The following ITGA6 variants were observed in gnomAD, a reference collection of about 807,000 sequenced individuals.
ITGA6 encodes the protein integrin alpha-6.
A neutral mutation model predicts 133.6 loss-of-function variants in ITGA6; 63 were observed. The observed-to-expected ratio is 0.47, with a 90% CI of 0.38 to 0.58. The LOEUF is 0.58. ITGA6 is among the 20% of genes least tolerant of loss of function. The pLI, the probability that ITGA6 is intolerant of heterozygous loss-of-function variation, is 0.00. For synonymous variants in ITGA6, 434 were observed against 482.0 expected (o/e 0.90, Z 1.30); for missense variants, 1,068 against 1,309.4 (o/e 0.82, Z 2.85).
intron 3 of ITGA6, among the ~76,000 whole-genome samples, chr2:172,467,955 G>GA (rs1032954918): frequency 1.5e-5 from 2 of 133,780 alleles, no homozygotes; most frequent in Admixed American, 7.4e-5. Flanking sequence ...TCAAAAAAAA[G>GA]AAAAAAAAAG....
intron 1 of ITGA6, among the ~76,000 whole-genome samples, chr2:172,445,058 C>T (rs2149007554): frequency 6.6e-6 from 1 of 152,072 alleles, no homozygotes; most frequent in East Asian, 2.0e-4. Context: ...CTCTGCCTCT[C>T]AGGTTCAAGT....
chr2:172,458,204 T>C (rs545854955), intron 1 of ITGA6, among the ~76,000 whole-genome samples: 40 of 152,062 alleles, frequency 2.6e-4, no homozygotes, highest in Admixed American at 2.4e-3. Flanking sequence ...GTACACGTTT[T>C]ACAGAGCTTA....
chr2:172,468,073 A>G (rs1051874600), intron 3 of ITGA6, among the ~76,000 whole-genome samples: 8 of 152,262 alleles, frequency 5.3e-5, no homozygotes, highest in African/African-American at 1.7e-4. Flanking sequence ...TAAATAACTT[A>G]TTAAAGAACC....
chr2:172,461,377 G>A (rs969435441), intron 1 of ITGA6, among the ~76,000 whole-genome samples: 4 of 152,184 alleles, frequency 2.6e-5, no homozygotes, highest in East Asian at 1.9e-4. Context: ...TCCACTGGCC[G>A]GTTTTGAAAT....
At chr2:172,479,284 T>C (rs1686319471) in intron 9 of ITGA6, among the ~76,000 whole-genome samples, 1 of 152,194 alleles carries the variant, frequency 6.6e-6, no homozygotes, top group African/African-American at 2.4e-5. Flanking sequence ...ATTATACATA[T>C]ATTTTAATAT....
chr2:172,458,938 T>TA (rs1190326405), intron 1 of ITGA6, among the ~76,000 whole-genome samples: 1 of 151,768 alleles, frequency 6.6e-6, no homozygotes, highest in Non-Finnish European at 1.5e-5. Flanking sequence ...CTACTGAAAT[T>TA]AAAAATGTCA....
intron 5 of ITGA6, among the ~76,000 whole-genome samples, chr2:172,471,684 G>A (rs1055856705): frequency 6.6e-6 from 1 of 152,112 alleles, no homozygotes; most frequent in Non-Finnish European, 1.5e-5. Flanking sequence ...CGGCTTTCAG[G>A]ACACCCAGAC....
intron 3 of ITGA6, among the ~76,000 whole-genome samples, chr2:172,468,772 C>A (rs540072427): frequency 6.6e-6 from 1 of 152,190 alleles, no homozygotes; most frequent in Non-Finnish European, 1.5e-5. Context: ...GTTTATACAG[C>A]CACTAAAAGC....
intron 23 of ITGA6, among the ~76,000 whole-genome samples, chr2:172,493,552 G>T (rs545716988): frequency 6.6e-6 from 1 of 152,042 alleles, no homozygotes; most frequent in Non-Finnish European, 1.5e-5. Context: ...AATGCCAAGG[G>T]TAAACATTGT....
Position 172,469,339 on chromosome 2 carries a change from A to G in ITGA6, c.602A>G (p.His201Arg), listed in dbSNP as rs750365882. The G allele has an allele frequency of 1.2e-5, 19 of 1,613,980 alleles. No individual in the cohort carries two copies. The highest frequency in any genetic ancestry group is 2.2e-5 in the South Asian group (2 of 91,088). ...GVAATFTKDF[H>R]YIVFGAPGTY... ...GCAGCTACTTTTACTAAAGACTTTC[A>G]TTACATTGTATTTGGAGCCCCGGGT... is the stretch of plus-strand genomic sequence containing the variant. The change falls in exon 4 of 26, where the codon CAT (histidine) becomes CGT (arginine). Residue 201 changes from histidine to arginine, a missense_variant. Physicochemically the swap from His to Arg is conservative, Grantham distance 29 (BLOSUM62 0). This residue lies in a region of ITGA6 where 317 missense variants were observed against 456.9 expected (regional missense o/e 0.69). Transcript: ENST00000684293.
chr2:172,470,777 TCAAA>T (rs1210853659), intron 4 of ITGA6, among the ~76,000 whole-genome samples, 193 bp from the exon 5 acceptor site: 6 of 152,336 alleles, frequency 3.9e-5, no homozygotes, highest in African/African-American at 9.6e-5. Context: ...TTTTAATGAC[TCAAA>T]CAAATTTCTT....
At position 172,506,310 on chromosome 2, in the gene ITGA6, A is replaced by T. The variant is rs1687561031; in HGVS notation, c.*2242A>T. On this transcript the variant is annotated 3_prime_UTR_variant, in exon 26 of 26. Coordinates refer to ENST00000684293, the MANE Select transcript of ITGA6 (RefSeq NM_000210.4). ...TCAGTGTTTTTATTTTTGGTGTCTC[A>T]TGTAATCTCAGATCAGCCAAAGATA... is the stretch of plus-strand genomic sequence containing the variant. 1.3e-5 allele frequency: 2 copies of T among 152,578 alleles called. No homozygotes were observed. The highest frequency in any genetic ancestry group is 2.9e-5 in the Non-Finnish European group (2 of 68,034). The allele number at this position is 152,578 out of a possible 1,614,324, so 9.5% of individuals were successfully genotyped here.
Position 172,474,216 on chromosome 2 carries a change from G to T in ITGA6, c.937G>T (p.Ala313Ser), listed in dbSNP as rs1196584180. ...GCACATATTCGATGGAGAAGGTCTG[G>T]CCTCTTCATTTGGCTATGATGTGGC... ...PEHIFDGEGL[A>S]SSFGYDVAVV... Residue 313 changes from alanine to serine, a missense_variant, in exon 6 of 26, where the codon GCC becomes TCC. Ala to Ser is a moderately conservative substitution (Grantham distance 99). Coordinates refer to ENST00000684293, the MANE Select transcript of ITGA6 (RefSeq NM_000210.4). The T allele has an allele frequency of 4.3e-6, 7 of 1,614,112 alleles. No homozygotes were observed. The highest frequency in any genetic ancestry group is 5.9e-6 in the Non-Finnish European group (7 of 1,180,040).
At chr2:172,492,955 C>A (rs1173699367) in intron 23 of ITGA6, among the ~76,000 whole-genome samples, 1 of 152,152 alleles carries the variant, frequency 6.6e-6, no homozygotes, top group Non-Finnish European at 1.5e-5. Context: ...GTTACCCAGG[C>A]TGGAGTGCAG....
rs199977185 is a variant in ITGA6, at chr2:172,469,165, C to T, written c.428C>T (p.Thr143Met). The T allele has an allele frequency of 1.7e-5, 28 of 1,613,950 alleles. No individual in the cohort carries two copies. Among genetic ancestry groups the T allele is most frequent in the Admixed American group, 3.3e-5 (2 of 60,000 alleles). Residue 143 changes from threonine (T) to methionine (M), a missense_variant, in exon 4 of 26, where the codon ACG becomes ATG. Thr to Met is a moderately conservative substitution (Grantham distance 81). Coordinates refer to ENST00000684293, the MANE Select transcript of ITGA6 (RefSeq NM_000210.4). ...HRYEKRQHVNTKQESRDIFGR... is the reference protein window; with the variant it reads ...HRYEKRQHVNMKQESRDIFGR... ...TATGAAAAAAGGCAGCATGTTAATA[C>T]GAAGCAGGAATCCCGAGACATCTTT... is the stretch of plus-strand genomic sequence containing the variant.
chr2:172,479,866 A>G, intron 10 of ITGA6, 124 bp from the exon 11 acceptor site: 2 of 1,093,368 alleles, frequency 1.8e-6, no homozygotes, highest in Non-Finnish European at 2.8e-6. Flanking sequence ...AGGGTCTGTC[A>G]AGTGTTTTTA....
intron 1 of ITGA6, among the ~76,000 whole-genome samples, chr2:172,451,299 T>C (rs1684988646): frequency 6.6e-6 from 1 of 151,632 alleles, no homozygotes; most frequent in Non-Finnish European, 1.5e-5. Context: ...ACCCTGTCTC[T>C]ACTAAAAATA....
At chr2:172,454,650 A>C (rs1685142090) in intron 1 of ITGA6, among the ~76,000 whole-genome samples, 1 of 152,204 alleles carries the variant, frequency 6.6e-6, no homozygotes, top group Non-Finnish European at 1.5e-5. Context: ...ATTCACAAAG[A>C]AGCCTATGTC....
At chr2:172,459,029 C>A (rs952154649) in intron 1 of ITGA6, among the ~76,000 whole-genome samples, 1 of 151,980 alleles carries the variant, frequency 6.6e-6, no homozygotes, top group Admixed American at 6.6e-5. Flanking sequence ...TAGATTAACC[C>A]AGGAGGTTCA....
Sources: allele counts gnomAD v4.1 joint callset (sites outside exome capture counted in the v4.1 genomes callset), GRCh38; gene constraint gnomAD v4.1.1; regional missense constraint gnomAD v4.1.1; transcripts MANE v1.5; gene names NCBI Gene and HGNC (gene_info 2026-07-23, HGNC 2026-07-21).